Variants in ARG2 observed in about 807,000 individuals in gnomAD.
The protein encoded by ARG2 is arginase-2, mitochondrial.
Under a neutral mutation model 39.4 loss-of-function variants are expected in ARG2, and 21 were observed. The observed-to-expected ratio is 0.53, with a 90% CI of 0.38 to 0.77. The LOEUF is 0.77. Ranked by LOEUF, ARG2 falls within the 30% of genes least tolerant of loss-of-function variation. The probability of loss-of-function intolerance (pLI) is 0.00; values close to 1 mark genes in which losing one functional copy is unlikely to be tolerated. For synonymous variants in ARG2, 150 were observed against 156.7 expected (o/e 0.96, Z 0.32); for missense variants, 378 against 426.2 (o/e 0.89, Z 1.00).
intron 2 of ARG2, among the ~76,000 whole-genome samples, chr14:67,640,807 T>C (rs991075562): frequency 2.6e-5 from 4 of 152,214 alleles, no homozygotes; most frequent in Non-Finnish European, 5.9e-5. Context: ...TGTGAGAATA[T>C]AGCACTAGTT....
chr14:67,622,508 T>C (rs1486716220), intron 2 of ARG2, among the ~76,000 whole-genome samples: 1 of 152,246 alleles, frequency 6.6e-6, no homozygotes, highest in Non-Finnish European at 1.5e-5. Flanking sequence ...TCTTAGTCAT[T>C]TTAATAACTC....
Position 67,627,256 on chromosome 14 carries a change from G to GATATATATATATATATATATATATAT in ARG2, c.184+6291_184+6316dup, listed in dbSNP as rs3070464. ...ACTAGGCAATTGTGATCAGTAAGGAGATATATATATATATATATATATATA... is the reference window on the plus strand; with the variant it reads ...ACTAGGCAATTGTGATCAGTAAGGAGATATATATATATATATATATATATATATATATATATATATATATATATATA... On this transcript the variant is annotated intron_variant, in intron 2 of 7. Coordinates refer to ENST00000261783, the MANE Select transcript of ARG2 (RefSeq NM_001172.4). Among the ~76,000 whole-genome samples the GATATATATATATATATATATATATAT allele has an allele frequency of 5.2e-4, 69 of 133,720 alleles. 1 individual carries two copies. Among genetic ancestry groups the GATATATATATATATATATATATATAT allele is most frequent in the African/African-American group, 1.7e-3 (59 of 33,820 alleles). 87.7% of individuals were successfully genotyped at this position (133,720 alleles called of 152,430 possible).
chr14:67,633,263 TTC>T lies in ARG2; in HGVS notation c.185-8917_185-8916del, dbSNP rs1435706270. Among the ~76,000 whole-genome samples, 97 of 152,274 alleles carry T rather than the reference TTC, an allele frequency of 6.4e-4. 2 individuals carry two copies. Among genetic ancestry groups the T allele is most frequent in the Non-Finnish European group, 2.4e-4 (16 of 68,026 alleles). On this transcript the variant is annotated intron_variant, in intron 2 of 7. Coordinates refer to ENST00000261783, the MANE Select transcript of ARG2 (RefSeq NM_001172.4). ...CTTTATACTTTAAGACCTTTGTAGG[TTC>T]TCTCTTTTTTTTTCTTCTTTGCAGT...
intron 2 of ARG2, among the ~76,000 whole-genome samples, chr14:67,639,893 C>G (rs1246795318): frequency 7.0e-6 from 1 of 142,924 alleles, no homozygotes; most frequent in Non-Finnish European, 1.5e-5. Flanking sequence ...CCACTGCACT[C>G]CAGCCTGCAT....
intron 2 of ARG2, among the ~76,000 whole-genome samples, chr14:67,631,430 CTTTCTTTTTTTT>C (rs992849393): frequency 1.2e-4 from 16 of 128,490 alleles, no homozygotes; most frequent in Non-Finnish European, 1.7e-4. Context: ...TCCTTTCTTT[CTTTCTTTTTTTT>C]TTTTTTTTTT....
At chr14:67,621,323 G>A (rs1394738576) in intron 2 of ARG2, among the ~76,000 whole-genome samples, 2 of 152,116 alleles carry the variant, frequency 1.3e-5, no homozygotes, top group East Asian at 1.9e-4. Flanking sequence ...TATCAGTCTC[G>A]CCAGTTTTCT....
rs1297816084 is a variant in ARG2, at chr14:67,651,166, C to A, written c.*246C>A. ...TATGTAAATTTAAAGAAGTCATAAA[C>A]AGCATTTATTACCTTGGTATATCAT... On this transcript the variant is annotated 3_prime_UTR_variant, in exon 8 of 8. Transcript: ENST00000261783. 2.0e-6 allele frequency: 2 copies of A among 998,138 alleles called. No homozygotes were observed. The highest frequency in any genetic ancestry group is 5.7e-5 in the Admixed American group (2 of 35,220). The allele number at this position is 998,138 out of a possible 1,614,324, so 61.8% of individuals were successfully genotyped here.
At chr14:67,628,355 G>A (rs2036888183) in intron 2 of ARG2, among the ~76,000 whole-genome samples, 1 of 152,218 alleles carries the variant, frequency 6.6e-6, no homozygotes, top group Non-Finnish European at 1.5e-5. Context: ...CTTCAGGATA[G>A]CTGGGATTAC....
chr14:67,644,165 T>C (rs1014852632), intron 3 of ARG2, among the ~76,000 whole-genome samples: 2 of 152,208 alleles, frequency 1.3e-5, no homozygotes, highest in Non-Finnish European at 2.9e-5. Context: ...AATCTGAAAT[T>C]CTAGAGAGGA....
Position 67,646,748 on chromosome 14 carries a change from T to C in ARG2, c.617+10T>C. Reference sequence around the variant, plus strand: ...TGGACCCTCCTGAACAGTAAGTTGATGCATTTGGCTGAAGTTTAGGGCCTG... The same window carrying C: ...TGGACCCTCCTGAACAGTAAGTTGACGCATTTGGCTGAAGTTTAGGGCCTG... On this transcript the variant is annotated intron_variant, in intron 5 of 7. Transcript: ENST00000261783. 1 of 1,601,248 alleles carries C rather than the reference T, an allele frequency of 6.2e-7. No individual in the cohort carries two copies. Among genetic ancestry groups the C allele is most frequent in the East Asian group, 2.2e-5 (1 of 44,826 alleles).
chr14:67,625,379 C>T (rs926092435), intron 2 of ARG2, among the ~76,000 whole-genome samples: 1 of 151,978 alleles, frequency 6.6e-6, no homozygotes, highest in South Asian at 2.1e-4. Context: ...TTTCAAAGAG[C>T]ACTATTAAGA....
chr14:67,635,234 A>G (rs1446507118), intron 2 of ARG2, among the ~76,000 whole-genome samples: 1 of 152,066 alleles, frequency 6.6e-6, no homozygotes, highest in East Asian at 1.9e-4. Flanking sequence ...ACAGAGTAAG[A>G]CCATCTCAAA....
At chr14:67,627,183 A>G (rs1049033169) in intron 2 of ARG2, among the ~76,000 whole-genome samples, 1 of 151,544 alleles carries the variant, frequency 6.6e-6, no homozygotes, top group Non-Finnish European at 1.5e-5. Flanking sequence ...TATAAATTCT[A>G]AAAGGATGAA....
chr14:67,641,382 C>A (rs777228313), intron 2 of ARG2, among the ~76,000 whole-genome samples: 6 of 152,184 alleles, frequency 3.9e-5, no homozygotes, highest in Non-Finnish European at 8.8e-5. Flanking sequence ...TCAACCTGTA[C>A]AAACTTTGGA....
chr14:67,645,729 C>A lies in ARG2; in HGVS notation c.449C>A (p.Thr150Lys). The A allele has an allele frequency of 6.2e-7, 1 of 1,614,066 alleles. No individual in the cohort carries two copies. The highest frequency in any genetic ancestry group is 1.3e-5 in the African/African-American group (1 of 75,038). ...GTTGATGCCCATGCTGACATCAACA[C>A]ACCCCTTACCACTTCATCAGGAAAT... The part of the protein sequence containing the change: ...VWVDAHADIN[T>K]PLTTSSGNLH... The change falls in exon 4 of 8, where the codon ACA becomes AAA. Residue 150 changes from threonine to lysine, a missense_variant. Transcript: ENST00000261783.
chr14:67,631,434 CTTTTTTTTTTT>C (rs1319430069), intron 2 of ARG2, among the ~76,000 whole-genome samples: 1 of 113,162 alleles, frequency 8.8e-6, no homozygotes, highest in African/African-American at 3.8e-5. Context: ...TTCTTTCTTT[CTTTTTTTTTTT>C]TTTTTTTTGA....
chr14:67,640,493 T>C (rs1199024259), intron 2 of ARG2, among the ~76,000 whole-genome samples: 4 of 152,220 alleles, frequency 2.6e-5, no homozygotes, highest in Non-Finnish European at 4.4e-5. Context: ...TTTTTATATT[T>C]CTTCAGAATT....
At chr14:67,635,358 G>A (rs1283427035) in intron 2 of ARG2, among the ~76,000 whole-genome samples, 4 of 152,224 alleles carry the variant, frequency 2.6e-5, no homozygotes, top group African/African-American at 7.2e-5. Flanking sequence ...CTAAATAACA[G>A]TCTCTTCAAA....
At chr14:67,641,746 C>G (rs1338782027) in intron 2 of ARG2, among the ~76,000 whole-genome samples, 1 of 152,116 alleles carries the variant, frequency 6.6e-6, no homozygotes, top group East Asian at 1.9e-4. Flanking sequence ...TTGAGACCAG[C>G]TGGGGCAACA....
Sources: gnomAD v4.1 joint callset for allele counts (sites outside exome capture counted in the v4.1 genomes callset) on GRCh38, gnomAD v4.1.1 for gene constraint, MANE v1.5 for transcripts, NCBI Gene and HGNC (gene_info 2026-07-23, HGNC 2026-07-21) for gene names.